The following CNTNAP2 variants were observed in gnomAD, a reference collection of about 807,000 sequenced individuals.
CNTNAP2 encodes contactin-associated protein-like 2.
Under a neutral mutation model 155.2 loss-of-function variants are expected in CNTNAP2, and 98 were observed. That is an observed-to-expected ratio of 0.63 (90% CI 0.54 to 0.75). The LOEUF is 0.75. CNTNAP2 is among the 30% of genes least tolerant of loss of function. The pLI, the probability that CNTNAP2 is intolerant of heterozygous loss-of-function variation, is 0.00. For missense variants in CNTNAP2, 1,727 were observed against 1,688.1 expected, an observed-to-expected ratio of 1.02 and a Z score of -0.40; for synonymous variants, 651 against 631.2, an observed-to-expected ratio of 1.03 and a Z score of -0.47.
At chr7:146,959,372 A>C (rs1797507277) in intron 3 of CNTNAP2, among the ~76,000 whole-genome samples, 2 of 152,124 alleles carry the variant, frequency 1.3e-5, no homozygotes, top group South Asian at 2.1e-4. Flanking sequence ...GATTCTGCTC[A>C]AACTCAGATA....
At chr7:146,248,099 G>A (rs143974599) in intron 1 of CNTNAP2, among the ~76,000 whole-genome samples, 17 of 143,284 alleles carry the variant, frequency 1.2e-4, no homozygotes, top group African/African-American at 4.5e-4. Flanking sequence ...GAAATAAGGG[G>A]TCGGGGCACA....
intron 3 of CNTNAP2, among the ~76,000 whole-genome samples, chr7:146,961,523 T>C (rs1429372658): frequency 2.6e-5 from 4 of 152,318 alleles, no homozygotes; most frequent in South Asian, 2.1e-4. Flanking sequence ...TTCTTTCATT[T>C]TTACACCCTC....
intron 14 of CNTNAP2, among the ~76,000 whole-genome samples, chr7:147,932,366 C>A (rs1181921157): frequency 6.6e-6 from 1 of 152,136 alleles, no homozygotes; most frequent in Non-Finnish European, 1.5e-5. Context: ...ATAAAGACAG[C>A]TTTATAGACC....
At chr7:146,176,969 A>G in intron 1 of CNTNAP2, among the ~76,000 whole-genome samples, 1 of 152,154 alleles carries the variant, frequency 6.6e-6, no homozygotes, top group East Asian at 1.9e-4. Flanking sequence ...TAGGGACAGA[A>G]TAGTTGCTTT....
At chr7:146,592,473 T>C (rs1490812375) in intron 1 of CNTNAP2, among the ~76,000 whole-genome samples, 1 of 152,196 alleles carries the variant, frequency 6.6e-6, no homozygotes, top group African/African-American at 2.4e-5. Flanking sequence ...GTATTATTTG[T>C]GGATGTATGT....
intron 21 of CNTNAP2, among the ~76,000 whole-genome samples, chr7:148,275,168 G>A (rs547142090): frequency 6.6e-6 from 1 of 152,320 alleles, no homozygotes; most frequent in South Asian, 2.1e-4. Flanking sequence ...AAGCAAGATA[G>A]GGGATCATAC....
chr7:146,774,176 A>G (rs1246082101), intron 1 of CNTNAP2, 95 bp from the exon 2 acceptor site: 2 of 839,322 alleles, frequency 2.4e-6, no homozygotes, highest in Non-Finnish European at 2.0e-6. Flanking sequence ...CATAAAAGAC[A>G]TATCAGATTC....
intron 3 of CNTNAP2, among the ~76,000 whole-genome samples, chr7:146,845,660 A>T (rs1803827987): frequency 6.6e-6 from 1 of 152,148 alleles, no homozygotes; most frequent in Admixed American, 6.5e-5. Context: ...CTTATTCATG[A>T]TTGAAAATAT....
rs1365375345 is a variant in CNTNAP2 at position 147,009,387 on chromosome 7, T to C, written c.403-34520T>C. Among the ~76,000 whole-genome samples the C allele has an allele frequency of 2.6e-5, 4 of 152,118 alleles. No homozygotes were observed. The East Asian group carries it at 5.8e-4, about 22-fold the overall frequency. On this transcript the variant is annotated intron_variant, in intron 3 of 23. Coordinates refer to ENST00000361727, the MANE Select transcript of CNTNAP2 (RefSeq NM_014141.6). Reference sequence around the variant, plus strand: ...TCAAGCCATATAATGTCTAACAAAATTGGTGGTTATTATATGGTAGCAGTT... The same window carrying C: ...TCAAGCCATATAATGTCTAACAAAACTGGTGGTTATTATATGGTAGCAGTT...
intron 13 of CNTNAP2, among the ~76,000 whole-genome samples, chr7:147,671,000 G>T (rs1795778264): frequency 6.6e-6 from 1 of 152,166 alleles, no homozygotes; most frequent in Non-Finnish European, 1.5e-5. Flanking sequence ...TCTGCCACGG[G>T]GCCTGCATGA....
intron 13 of CNTNAP2, among the ~76,000 whole-genome samples, chr7:147,862,063 A>T (rs1799144611): frequency 6.6e-6 from 1 of 151,228 alleles, no homozygotes; most frequent in Admixed American, 6.6e-5. Context: ...CCAATATGGT[A>T]TTTTGTGGTA....
chr7:146,246,734 T>C (rs1799664848), intron 1 of CNTNAP2, among the ~76,000 whole-genome samples: 1 of 151,914 alleles, frequency 6.6e-6, no homozygotes, highest in Admixed American at 6.6e-5. Context: ...GCCAGGTGAG[T>C]TGGACAGTCC....
intron 3 of CNTNAP2, among the ~76,000 whole-genome samples, chr7:146,948,427 C>G (rs924993078): frequency 6.6e-6 from 1 of 151,322 alleles, no homozygotes. Flanking sequence ...TATTGCTTAT[C>G]TTTATTTGTT....
intron 3 of CNTNAP2, among the ~76,000 whole-genome samples, chr7:146,891,933 C>T (rs1268212405): frequency 1.3e-5 from 2 of 152,196 alleles, no homozygotes; most frequent in Non-Finnish European, 2.9e-5. Context: ...TTCTACTACT[C>T]ATTGGCACCT....
intron 3 of CNTNAP2, among the ~76,000 whole-genome samples, chr7:146,928,587 G>A (rs1294195293): frequency 1.3e-5 from 2 of 152,200 alleles, no homozygotes; most frequent in Admixed American, 1.3e-4. Context: ...AGTGGGTGCA[G>A]GACAGTGGGT....
chr7:147,872,100 C>G (rs17235097), intron 13 of CNTNAP2, among the ~76,000 whole-genome samples: 2 of 152,142 alleles, frequency 1.3e-5, no homozygotes, highest in African/African-American at 4.8e-5. Context: ...ATCACAAATG[C>G]CCTGTGGAGA....
At chr7:147,263,758 T>C (rs1804545908) in intron 8 of CNTNAP2, among the ~76,000 whole-genome samples, 1 of 152,240 alleles carries the variant, frequency 6.6e-6, no homozygotes. Flanking sequence ...GATTCAGCTC[T>C]GATGCATACA....
chr7:146,491,053 T>C (rs1205842011), intron 1 of CNTNAP2, among the ~76,000 whole-genome samples: 1 of 152,052 alleles, frequency 6.6e-6, no homozygotes, highest in African/African-American at 2.4e-5. Flanking sequence ...CTAGAGTGCA[T>C]ATTATATGAA....
intron 3 of CNTNAP2, among the ~76,000 whole-genome samples, chr7:146,965,820 C>T (rs1482572474): frequency 1.3e-5 from 2 of 152,142 alleles, no homozygotes; most frequent in Non-Finnish European, 2.9e-5. Flanking sequence ...TGAGGGGTCG[C>T]ACACTTTTGA....
Sources: allele counts gnomAD v4.1 joint callset (sites outside exome capture counted in the v4.1 genomes callset), GRCh38; gene constraint gnomAD v4.1.1; transcripts MANE v1.5; gene names NCBI Gene and HGNC (gene_info 2026-07-23, HGNC 2026-07-21).